The following FMO5 variants were observed in gnomAD, a reference collection of about 807,000 sequenced individuals.
FMO5 encodes the protein flavin-containing monooxygenase 5.
Under a neutral mutation model 43.6 loss-of-function variants are expected in FMO5, and 51 were observed. The observed-to-expected ratio is 1.17, with a 90% CI of 0.93 to 1.48. The LOEUF is 1.48. Ranked by LOEUF, FMO5 falls within the 40% of genes most tolerant of loss-of-function variation. The pLI, the probability that FMO5 is intolerant of heterozygous loss-of-function variation, is 0.00. For synonymous variants in FMO5, 187 were observed against 216.5 expected, an observed-to-expected ratio of 0.86 and a Z score of 1.20; for missense variants, 644 against 643.0, an observed-to-expected ratio of 1.00 and a Z score of -0.02.
chr1:147,206,802 T>C (rs1660149653), intron 6 of FMO5, among the ~76,000 whole-genome samples: 1 of 150,862 alleles, frequency 6.6e-6, no homozygotes, highest in African/African-American at 2.5e-5. Context: ...TTAGGAGATA[T>C]ATCTGATGTA....
intron 7 of FMO5, among the ~76,000 whole-genome samples, chr1:147,194,758 C>T (rs1330747993): frequency 2.0e-5 from 3 of 151,160 alleles, no homozygotes; most frequent in Non-Finnish European, 4.4e-5. Context: ...ATGTCTCCTT[C>T]ACTTATGAAG....
At chr1:147,194,216 G>T (rs1553919212) in intron 7 of FMO5, among the ~76,000 whole-genome samples, 2 of 152,156 alleles carry the variant, frequency 1.3e-5, no homozygotes, top group African/African-American at 4.8e-5. Flanking sequence ...ATATATTTAG[G>T]ATAGTTAGGT....
At chr1:147,194,364 A>C (rs1448242690) in intron 7 of FMO5, among the ~76,000 whole-genome samples, 1 of 151,918 alleles carries the variant, frequency 6.6e-6, no homozygotes, top group Non-Finnish European at 1.5e-5. Context: ...TGCTTGGTAG[A>C]TCTTCCTCCA....
At chr1:147,222,691 A>G (rs1286548163) in intron 2 of FMO5, among the ~76,000 whole-genome samples, 1 of 152,240 alleles carries the variant, frequency 6.6e-6, no homozygotes, top group African/African-American at 2.4e-5. Flanking sequence ...AACACAGCTT[A>G]TTTATTTTCA....
At chr1:147,212,319 G>A (rs1553923860) in intron 5 of FMO5, 74 bp downstream of exon 5, 1 of 1,492,726 alleles carries the variant, frequency 6.7e-7, no homozygotes, top group Non-Finnish European at 9.3e-7. Context: ...TTCTCTGTTG[G>A]GTCCACCTGC....
intron 6 of FMO5, chr1:147,204,368 A>C: frequency 9.7e-7 from 1 of 1,032,284 alleles, no homozygotes; most frequent in Admixed American, 1.7e-5. Context: ...GGAAAAATAG[A>C]TACGCATGCC....
chr1:147,208,935 G>A lies in FMO5; in HGVS notation c.747C>T (p.Gly249=), dbSNP rs587606192. The part of the protein sequence containing the change: ...RLTHFIWKIC[G]QSLANKYLEK... ...CCAAATATTTGTTTGCTAATGATTG[G>A]CCACAGATCTTCCATATAAAATGTG... Residue 249 remains glycine, a synonymous_variant, in exon 6 of 9, where the codon GGC becomes GGT. Coordinates refer to ENST00000254090, the MANE Select transcript of FMO5 (RefSeq NM_001461.4). The A allele has an allele frequency of 6.2e-7, 1 of 1,613,984 alleles. No homozygotes were observed. The highest frequency in any genetic ancestry group is 2.2e-5 in the East Asian group (1 of 44,868).
chr1:147,187,184 C>T lies in FMO5; in HGVS notation c.1318G>A (p.Ala440Thr). 1 of 1,614,118 alleles carries T rather than the reference C, an allele frequency of 6.2e-7. No homozygotes were observed. The highest frequency in any genetic ancestry group is 1.1e-5 in the South Asian group (1 of 91,076). The change falls in exon 9 of 9, where the codon GCT (alanine) becomes ACT (threonine). Residue 440 changes from alanine to threonine, a missense_variant. Physicochemically the swap from Ala to Thr is moderately conservative, Grantham distance 58. Transcript: ENST00000254090. ...GDYIDTMEEL[A>T]DLVGVRPNLL... Reference sequence around the variant, plus strand: ...TTGGGCCTGACCCCCACCAAATCAGCAAGCTCTTCCATGGTATCTATGTAG... The same window carrying T: ...TTGGGCCTGACCCCCACCAAATCAGTAAGCTCTTCCATGGTATCTATGTAG...
chr1:147,224,945 GT>G lies in FMO5; in HGVS notation c.84del (p.Glu28AspfsTer32), dbSNP rs1448964960. 2 of 1,613,864 alleles carry G rather than the reference GT, an allele frequency of 1.2e-6. No homozygotes were observed. The highest frequency in any genetic ancestry group is 1.3e-5 in the African/African-American group (1 of 74,834). ...TCATCAGTCCTTTCAAAGCAGACAG[GT>G]TCCAAGCCTTCTTCTACGCAGCACT... ...SIKCCVEEGLEPVCFERTDDI... is the reference protein window; with the variant it reads ...SIKCCVEEGLXPVCFERTDDI... On this transcript the variant is annotated frameshift_variant, in exon 2 of 9. Transcript: ENST00000254090. LOFTEE classifies it high-confidence loss of function.
intron 6 of FMO5, chr1:147,203,925 T>TCC: frequency 6.7e-7 from 1 of 1,488,644 alleles, no homozygotes; most frequent in South Asian, 1.1e-5. Flanking sequence ...ACAGGAGGTG[T>TCC]CAATCTAGGA....
At chr1:147,192,809 T>A (rs1446429210) in intron 7 of FMO5, among the ~76,000 whole-genome samples, 6 of 152,188 alleles carry the variant, frequency 3.9e-5, no homozygotes, top group African/African-American at 1.4e-4. Context: ...TATGCTGGAT[T>A]ACATTTATTG....
intron 5 of FMO5, chr1:147,211,592 T>A (rs1264102868): frequency 1.3e-5 from 2 of 152,210 alleles, no homozygotes; most frequent in African/African-American, 4.8e-5. Flanking sequence ...CATGGCTTAA[T>A]TAAAGTTACT....
chr1:147,201,186 C>G lies in FMO5; in HGVS notation c.1149G>C (p.Glu383Asp). ...QPLGAIMPIS[E>D]LQGRWATQVF... ...CCTGAGTGGCCCAGCGTCCTTGGAG[C>G]TCTGAAATGGGCATAATGGCTCCTA... Residue 383 changes from glutamate (E) to aspartate (D), a missense_variant, in exon 7 of 9, where the codon GAG (glutamate) becomes GAC (aspartate). Physicochemically the swap from Glu to Asp is conservative, Grantham distance 45. Coordinates refer to ENST00000254090, the MANE Select transcript of FMO5 (RefSeq NM_001461.4). 6.2e-7 allele frequency: 1 copy of G among 1,613,888 alleles called. No homozygotes were observed. The highest frequency in any genetic ancestry group is 8.5e-7 in the Non-Finnish European group (1 of 1,179,918).
intron 3 of FMO5, chr1:147,215,505 A>G: frequency 2.2e-6 from 1 of 446,168 alleles, no homozygotes; most frequent in Non-Finnish European, 4.0e-6. Flanking sequence ...AATAATGTGA[A>G]ATGAAGGTAA....
chr1:147,211,050 G>C (rs965706216), intron 5 of FMO5: 2 of 152,164 alleles, frequency 1.3e-5, no homozygotes. Flanking sequence ...TTAGAACTCA[G>C]CAATTGAGTT....
Position 147,208,869 on chromosome 1 carries a change from G to A in FMO5, c.813C>T (p.Gly271=). The A allele has an allele frequency of 6.2e-7, 1 of 1,613,912 alleles. No homozygotes were observed. Residue 271 remains glycine (G), a synonymous_variant, in exon 6 of 9, where the codon GGC becomes GGT. Coordinates refer to ENST00000254090, the MANE Select transcript of FMO5 (RefSeq NM_001461.4). ...GAACATACCTGTGTTTAGGCTTCAG[G>A]CCAAACATTTCATGGTCAAACCTTT... ...INQRFDHEMF[G]LKPKHRALSQ... is the part of the protein sequence containing the mutation.
At chr1:147,221,223 C>T (rs1662957807) in intron 2 of FMO5, among the ~76,000 whole-genome samples, 1 of 152,018 alleles carries the variant, frequency 6.6e-6, no homozygotes, top group African/African-American at 2.4e-5. Context: ...TGGATGGGAT[C>T]CTGGAACAGC....
chr1:147,195,120 T>C (rs1170399896), intron 7 of FMO5, among the ~76,000 whole-genome samples: 19 of 152,156 alleles, frequency 1.2e-4, no homozygotes, highest in African/African-American at 4.6e-4. Flanking sequence ...CTTGGTTCCA[T>C]TCTCCCCGTC....
At chr1:147,203,626 G>A (rs587771671) in intron 6 of FMO5, 169 of 1,244,872 alleles carry the variant, frequency 1.4e-4, no homozygotes, top group Admixed American at 5.4e-4. Flanking sequence ...TCTTAATAGC[G>A]TACTGTTCAA....
Sources: gnomAD v4.1 joint callset for allele counts (sites outside exome capture counted in the v4.1 genomes callset) on GRCh38, gnomAD v4.1.1 for gene constraint, MANE v1.5 for transcripts, NCBI Gene and HGNC (gene_info 2026-07-23, HGNC 2026-07-21) for gene names.